Variants in ABTB3 observed in about 807,000 individuals in gnomAD.
The protein encoded by ABTB3 is ankyrin repeat and BTB domain containing 3.
chr12:107,319,479 C>T, the ABTB3 span: 1 of 1,599,898 alleles, frequency 6.3e-7, no homozygotes, highest in South Asian at 1.1e-5. Context: ...CACTGTACGG[C>T]GGCTGCGCTG....
the ABTB3 span, among the ~76,000 whole-genome samples, chr12:107,426,690 C>T: frequency 1.3e-5 from 2 of 152,204 alleles, no homozygotes; most frequent in South Asian, 2.1e-4. Flanking sequence ...GGGTGAAGGT[C>T]GGCACTGCCT....
At chr12:107,476,266 C>T in the ABTB3 span, among the ~76,000 whole-genome samples, 2 of 152,182 alleles carry the variant, frequency 1.3e-5, no homozygotes, top group Non-Finnish European at 2.9e-5. Context: ...AGCTGGGTCT[C>T]TACCACCCCA....
chr12:107,399,121 C>T, the ABTB3 span, among the ~76,000 whole-genome samples: 7 of 152,258 alleles, frequency 4.6e-5, no homozygotes, highest in East Asian at 5.8e-4. Flanking sequence ...AGTGGACCAC[C>T]GTGTCTTTGA....
At chr12:107,544,275 C>A in the ABTB3 span, 1 of 916,646 alleles carries the variant, frequency 1.1e-6, no homozygotes. Flanking sequence ...CGGTGGGAAC[C>A]TTGCACCCTG....
chr12:107,597,310 A>G, the ABTB3 span, among the ~76,000 whole-genome samples: 1 of 152,368 alleles, frequency 6.6e-6, no homozygotes, highest in South Asian at 2.1e-4. Context: ...CTGTTGCTAT[A>G]ACAAAATACC....
the ABTB3 span, chr12:107,520,300 G>T: frequency 1.0e-6 from 1 of 983,048 alleles, no homozygotes; most frequent in Non-Finnish European, 1.2e-6. Flanking sequence ...ACTTTGAAGA[G>T]ACCTTTGCAA....
chr12:107,408,913 C>A, the ABTB3 span, among the ~76,000 whole-genome samples: 3 of 152,222 alleles, frequency 2.0e-5, no homozygotes, highest in Admixed American at 6.5e-5. Flanking sequence ...GGATCCTGTT[C>A]TCATGGGCTT....
the ABTB3 span, chr12:107,619,937 C>A: frequency 2.7e-6 from 4 of 1,499,272 alleles, no homozygotes; most frequent in South Asian, 5.2e-5. Flanking sequence ...CCTTTCCCCT[C>A]TCTCTCCCCC....
chr12:107,327,412 G>C, the ABTB3 span, among the ~76,000 whole-genome samples: 1 of 151,982 alleles, frequency 6.6e-6, no homozygotes, highest in East Asian at 1.9e-4. Flanking sequence ...TTATTGTTTG[G>C]GGTTTAGACA....
chr12:107,634,141 G>T, the ABTB3 span, among the ~76,000 whole-genome samples: 1 of 152,112 alleles, frequency 6.6e-6, no homozygotes, highest in African/African-American at 2.4e-5. Flanking sequence ...TTAATTGAAG[G>T]GTTTGGATTT....
the ABTB3 span, among the ~76,000 whole-genome samples, chr12:107,606,582 C>CA: frequency 2.6e-5 from 4 of 152,076 alleles, no homozygotes; most frequent in African/African-American, 9.6e-5. Flanking sequence ...ATTTTTCATG[C>CA]AAAAATGCAT....
the ABTB3 span, among the ~76,000 whole-genome samples, chr12:107,417,645 A>C: frequency 6.6e-6 from 1 of 152,230 alleles, no homozygotes; most frequent in Non-Finnish European, 1.5e-5. Context: ...CGTAGGGAGA[A>C]TAAGTAGAAG....
chr12:107,439,734 A>G, the ABTB3 span, among the ~76,000 whole-genome samples: 1 of 152,184 alleles, frequency 6.6e-6, no homozygotes, highest in Non-Finnish European at 1.5e-5. Context: ...ATACATCTCA[A>G]TGAGTTTGGG....
the ABTB3 span, among the ~76,000 whole-genome samples, chr12:107,542,758 T>C: frequency 6.6e-6 from 1 of 152,222 alleles, no homozygotes; most frequent in Non-Finnish European, 1.5e-5. Flanking sequence ...TTATATATGA[T>C]ATTCTTACCA....
the ABTB3 span, among the ~76,000 whole-genome samples, chr12:107,532,949 G>A: frequency 2.0e-5 from 3 of 152,062 alleles, no homozygotes; most frequent in African/African-American, 4.8e-5. Context: ...AGAAATGAAG[G>A]AGAAATAGTC....
the ABTB3 span, among the ~76,000 whole-genome samples, chr12:107,443,125 G>A: frequency 6.6e-6 from 1 of 152,046 alleles, no homozygotes; most frequent in Non-Finnish European, 1.5e-5. Context: ...TTGGAGTTAG[G>A]ATTTCAACAT....
chr12:107,459,138 C>A, the ABTB3 span, among the ~76,000 whole-genome samples: 1 of 152,216 alleles, frequency 6.6e-6, no homozygotes, highest in Non-Finnish European at 1.5e-5. Flanking sequence ...CCCTGCCCCC[C>A]ACAACCCTAT....
chr12:107,389,836 G>A, the ABTB3 span, among the ~76,000 whole-genome samples: 1 of 91,390 alleles, frequency 1.1e-5, no homozygotes, highest in Admixed American at 1.4e-4. Context: ...GCTGGGGCAT[G>A]TGTGTGTGTT....
the ABTB3 span, among the ~76,000 whole-genome samples, chr12:107,652,240 C>G: frequency 6.6e-6 from 1 of 152,252 alleles, no homozygotes; most frequent in Non-Finnish European, 1.5e-5. Context: ...CCCAGACCTA[C>G]TGAATCAGAA....
Sources: gnomAD v4.1 joint callset for allele counts (sites outside exome capture counted in the v4.1 genomes callset) on GRCh38, gnomAD v4.1.1 for gene constraint, MANE v1.5 for transcripts, NCBI Gene and HGNC (gene_info 2026-07-23, HGNC 2026-07-21) for gene names.